SEZ6L: variants seen among roughly 807,000 people sequenced by gnomAD.
SEZ6L encodes the protein seizure related 6 homolog like.
SEZ6L carries 37 observed loss-of-function variants against 106.2 expected under a neutral mutation model. The ratio of observed to expected loss-of-function variants is 0.35; its 90% CI spans 0.27 to 0.46. The LOEUF is 0.46. Among genes scored for constraint, SEZ6L ranks in the 20% least tolerant of loss-of-function variants. The probability of loss-of-function intolerance (pLI) is 1.00; values close to 1 mark genes in which losing one functional copy is unlikely to be tolerated. For missense variants in SEZ6L, 1,172 were observed against 1,332.8 expected (o/e 0.88, Z 1.88); for synonymous variants, 541 against 570.4 (o/e 0.95, Z 0.73).
At chr22:26,324,067 CACA>C (rs2082232606) in intron 9 of SEZ6L, among the ~76,000 whole-genome samples, 1 of 41,780 alleles carries the variant, frequency 2.4e-5, no homozygotes, top group Admixed American at 2.1e-4. Context: ...TTTTTAACCA[CACA>C]CACACACACA....
At chr22:26,313,713 T>A (rs1178468121) in intron 8 of SEZ6L, 51 bp from the exon 9 acceptor site, 16 of 1,587,110 alleles carry the variant, frequency 1.0e-5, no homozygotes, top group African/African-American at 2.7e-5. Flanking sequence ...CTATGCCACA[T>A]TGACTTCTTT....
chr22:26,227,940 C>G (rs1039385389), intron 1 of SEZ6L, among the ~76,000 whole-genome samples: 1 of 152,168 alleles, frequency 6.6e-6, no homozygotes, highest in African/African-American at 2.4e-5. Context: ...CCAATGGCCA[C>G]AGAAGGGACA....
intron 13 of SEZ6L, among the ~76,000 whole-genome samples, chr22:26,369,338 G>GTCCTTTTTTTTTTTTTTTTTTT: frequency 1.2e-5 from 1 of 83,618 alleles, no homozygotes; most frequent in Admixed American, 1.3e-4. Flanking sequence ...TATATAAGCA[G>GTCCTTTTTTTTTTTTTTTTTTT]TTCTTTTGTT....
intron 1 of SEZ6L, among the ~76,000 whole-genome samples, chr22:26,183,691 G>T (rs1939562094): frequency 1.3e-5 from 2 of 152,222 alleles, no homozygotes; most frequent in Admixed American, 1.3e-4. Flanking sequence ...GCAACAATAT[G>T]TTGGCATTTC....
At chr22:26,336,264 A>C (rs1398806070) in intron 9 of SEZ6L, among the ~76,000 whole-genome samples, 1 of 152,062 alleles carries the variant, frequency 6.6e-6, no homozygotes, top group Non-Finnish European at 1.5e-5. Context: ...TAAAGGATGG[A>C]AACTGGAGGA....
At chr22:26,282,304 T>C (rs1282607031) in intron 1 of SEZ6L, among the ~76,000 whole-genome samples, 1 of 152,232 alleles carries the variant, frequency 6.6e-6, no homozygotes, top group Non-Finnish European at 1.5e-5. Flanking sequence ...TTTTTGCTAC[T>C]ATAAACAATG....
intron 1 of SEZ6L, among the ~76,000 whole-genome samples, chr22:26,227,965 G>C (rs1206382352): frequency 1.3e-5 from 2 of 152,226 alleles, no homozygotes; most frequent in Non-Finnish European, 2.9e-5. Flanking sequence ...CCCCGCGAGA[G>C]TGGAGGAAGG....
At chr22:26,233,530 A>C (rs904777462) in intron 1 of SEZ6L, among the ~76,000 whole-genome samples, 24 of 152,228 alleles carry the variant, frequency 1.6e-4, no homozygotes, top group African/African-American at 5.8e-4. Context: ...CTCATTTTAC[A>C]GATGAGGAAG....
At position 26,375,686 on chromosome 22, in the gene SEZ6L, C is replaced by A. The variant is rs771302651; in HGVS notation, c.2939C>A (p.Thr980Lys). 3 of 1,610,282 alleles carry A rather than the reference C, an allele frequency of 1.9e-6. No homozygotes were observed. Among genetic ancestry groups the A allele is most frequent in the Non-Finnish European group, 2.5e-6 (3 of 1,176,986 alleles). Residue 980 changes from threonine (T) to lysine (K), a missense_variant, in exon 15 of 17, where the codon ACA becomes AAA. Thr to Lys is a moderately conservative substitution (Grantham distance 78). Transcript: ENST00000248933. ...CTGGGAGGAGCCTACATTTACATCA[C>A]AAGGTAGGGAGCTGATGGGGGAGAT... ...LLLGGAYIYI[T>K]RCRYYSNLRL... is the part of the protein sequence containing the mutation.
At chr22:26,250,159 T>C (rs1057046879) in intron 1 of SEZ6L, among the ~76,000 whole-genome samples, 2 of 152,192 alleles carry the variant, frequency 1.3e-5, no homozygotes, top group Non-Finnish European at 1.5e-5. Flanking sequence ...GTGTAGAAGC[T>C]TTTTAGTTTG....
rs769535333 is a variant in SEZ6L, at chr22:26,299,011, G to A, written c.1190G>A (p.Arg397His). ...QAFMLSCNFPRRPDSGDVTVM... is the reference protein window; with the variant it reads ...QAFMLSCNFPHRPDSGDVTVM... Reference sequence around the variant, plus strand: ...TTCATGCTGAGCTGCAACTTTCCCCGCCGGCCTGACTCTGGGGATGTCACG... The same window carrying A: ...TTCATGCTGAGCTGCAACTTTCCCCACCGGCCTGACTCTGGGGATGTCACG... Residue 397 changes from arginine (R) to histidine (H), a missense_variant, in exon 5 of 17, where the codon CGC becomes CAC. Around this residue, in one of 4 missense-constraint regions of SEZ6L, gnomAD observed 534 missense variants for 691.0 expected, o/e 0.77. Transcript: ENST00000248933. The A allele has an allele frequency of 3.7e-5, 58 of 1,587,750 alleles. No homozygotes were observed. Among genetic ancestry groups the A allele is most frequent in the Middle Eastern group, 3.3e-4 (2 of 5,990 alleles).
chr22:26,327,657 C>T (rs1422511011), intron 9 of SEZ6L, among the ~76,000 whole-genome samples: 4 of 148,112 alleles, frequency 2.7e-5, no homozygotes, highest in Non-Finnish European at 6.0e-5. Flanking sequence ...TGACACACCA[C>T]GCCCACACCA....
chr22:26,190,870 G>C (rs1403024045), intron 1 of SEZ6L, among the ~76,000 whole-genome samples: 1 of 152,202 alleles, frequency 6.6e-6, no homozygotes, highest in Non-Finnish European at 1.5e-5. Flanking sequence ...TAAAGGAACT[G>C]AGTGTGTGCT....
chr22:26,203,392 A>G (rs753649734), intron 1 of SEZ6L, among the ~76,000 whole-genome samples: 6 of 152,206 alleles, frequency 3.9e-5, no homozygotes, highest in Non-Finnish European at 7.4e-5. Flanking sequence ...TTGTTAACTA[A>G]TAGCTCTATC....
At chr22:26,233,105 A>G (rs1222512616) in intron 1 of SEZ6L, among the ~76,000 whole-genome samples, 1 of 152,248 alleles carries the variant, frequency 6.6e-6, no homozygotes, top group Non-Finnish European at 1.5e-5. Flanking sequence ...ATAGATTTAA[A>G]CAAAGTTTTC....
intron 1 of SEZ6L, among the ~76,000 whole-genome samples, chr22:26,260,625 C>T (rs1218213214): frequency 1.3e-5 from 2 of 152,044 alleles, no homozygotes; most frequent in Non-Finnish European, 2.9e-5. Context: ...TTTATCTGCT[C>T]ATTGATTGAT....
At chr22:26,294,034 T>C (rs960411993) in intron 2 of SEZ6L, among the ~76,000 whole-genome samples, 1 of 152,182 alleles carries the variant, frequency 6.6e-6, no homozygotes, top group African/African-American at 2.4e-5. Context: ...ATATTATCAG[T>C]CCCTATGAGA....
intron 1 of SEZ6L, among the ~76,000 whole-genome samples, chr22:26,245,696 A>G (rs143084286): frequency 3.6e-4 from 55 of 152,308 alleles, no homozygotes; most frequent in African/African-American, 1.1e-3. Flanking sequence ...TCCTCCTCTG[A>G]GAGTGGCCGC....
chr22:26,187,148 CA>C (rs1423822836), intron 1 of SEZ6L, among the ~76,000 whole-genome samples: 1 of 152,204 alleles, frequency 6.6e-6, no homozygotes, highest in Non-Finnish European at 1.5e-5. Flanking sequence ...AATTGACTCA[CA>C]GTTCTGCATG....
Sources: gnomAD v4.1 joint callset for allele counts (sites outside exome capture counted in the v4.1 genomes callset) on GRCh38, gnomAD v4.1.1 for gene constraint, gnomAD v4.1.1 regional missense constraint, MANE v1.5 for transcripts, NCBI Gene and HGNC (gene_info 2026-07-23, HGNC 2026-07-21) for gene names.